Variants in CAPG observed in about 807,000 individuals in gnomAD.
CAPG encodes capping actin protein, gelsolin like, also known as macrophage-capping protein.
Under a neutral mutation model 44.6 loss-of-function variants are expected in CAPG, and 32 were observed. That is an observed-to-expected ratio of 0.72 (90% CI 0.54 to 0.96). The LOEUF (loss-of-function observed/expected upper bound fraction) is 0.96, where lower values mean the gene tolerates loss of function less well. Ranked by LOEUF, CAPG falls within the 50% of genes least tolerant of loss-of-function variation. The pLI, the probability that CAPG is intolerant of heterozygous loss-of-function variation, is 0.00. For synonymous variants in CAPG, 175 were observed against 179.6 expected, an observed-to-expected ratio of 0.97 and a Z score of 0.20; for missense variants, 412 against 438.3, an observed-to-expected ratio of 0.94 and a Z score of 0.54.
intron 8 of CAPG, 82 bp downstream of exon 8, chr2:85,397,938 A>G: frequency 2.9e-6 from 4 of 1,380,752 alleles, no homozygotes; most frequent in Non-Finnish European, 4.0e-6. Context: ...AAGCAGCTAG[A>G]CAGGCTGAGT....
At chr2:85,401,396 C>G (rs1686879279) in intron 4 of CAPG, 67 bp from the exon 5 acceptor site, 1 of 1,581,942 alleles carries the variant, frequency 6.3e-7, no homozygotes, top group East Asian at 2.3e-5. Context: ...CCCCATCCCA[C>G]TGGAAGACGG....
At chr2:85,396,434 A>C (rs913021359) in intron 8 of CAPG, among the ~76,000 whole-genome samples, 1 of 152,078 alleles carries the variant, frequency 6.6e-6, no homozygotes, top group East Asian at 1.9e-4. Flanking sequence ...AGGAAATGAT[A>C]CCGAAACGAT....
intron 8 of CAPG, among the ~76,000 whole-genome samples, chr2:85,397,731 A>AGAAAGAAAGAAAGAAAGAAAGAAAGAAAG (rs1686672145): frequency 1.3e-5 from 2 of 148,848 alleles, no homozygotes; most frequent in Non-Finnish European, 3.0e-5. Context: ...AAAGAAAGAA[A>AGAAAGAAAGAAAGAAAGAAAGAAAGAAAG]ATAGCAAGGC....
chr2:85,410,984 C>CT (rs985743361), upstream of CAPG, among the ~76,000 whole-genome samples: 30 of 151,980 alleles, frequency 2.0e-4, no homozygotes, highest in Admixed American at 8.5e-4. Context: ...CCTCAGCCTC[C>CT]TGAGCAGCTG....
At position 85,402,109 on chromosome 2, in the gene CAPG, G is replaced by A. The variant is rs1191723881; in HGVS notation, c.23+14C>T. The A allele has an allele frequency of 1.2e-6, 2 of 1,610,258 alleles. No homozygotes were observed. Among genetic ancestry groups the A allele is most frequent in the Non-Finnish European group, 8.5e-7 (1 of 1,177,938 alleles). ...AAGGGGAAGTTGTGAAAGGAGATGGGGCATGCAGCTTACCTCTGGGGAATG... is the reference window on the plus strand; with the variant it reads ...AAGGGGAAGTTGTGAAAGGAGATGGAGCATGCAGCTTACCTCTGGGGAATG... On this transcript the variant is annotated intron_variant, in intron 2 of 9. Coordinates refer to ENST00000263867, the MANE Select transcript of CAPG (RefSeq NM_001747.4).
In CAPG at chr2:85,401,764, C is replaced by T. The variant is rs757456618; in HGVS notation, c.196+21G>A. 8.7e-6 allele frequency: 14 copies of T among 1,612,812 alleles called. No homozygotes were observed. The South Asian group carries it at 1.3e-4, about 15-fold the overall frequency. On this transcript the variant is annotated intron_variant, in intron 3 of 9. Transcript: ENST00000263867. ...CCCTCCCCTTCCTGGGCCCAACCTT[C>T]CCCCATCCAGATCCCCTTACCTATC... is the stretch of plus-strand genomic sequence containing the variant.
At position 85,401,323 on chromosome 2, in the gene CAPG, C is replaced by A; in HGVS notation, c.358G>T (p.Gly120Cys). The change falls in exon 5 of 10, where the codon GGT (glycine) becomes TGT (cysteine). Residue 120 changes from glycine to cysteine, a missense_variant. By Grantham distance (159) the Gly-to-Cys change is radical (BLOSUM62 -3). Transcript: ENST00000263867. ...GTCTTGTGAAATGCTGACTCCACACCACCTTCCTGCAGCCCAGACGGCCCA... is the reference window on the plus strand; with the variant it reads ...GTCTTGTGAAATGCTGACTCCACACAACCTTCCTGCAGCCCAGACGGCCCA... ...FPRGLKYQEG[G>C]VESAFHKTST... The A allele has an allele frequency of 6.2e-7, 1 of 1,613,824 alleles. No individual in the cohort carries two copies. The highest frequency in any genetic ancestry group is 8.5e-7 in the Non-Finnish European group (1 of 1,179,796).
In CAPG at chr2:85,398,070, T is replaced by C; in HGVS notation, c.842A>G (p.Asp281Gly). The change falls in exon 8 of 10, where the codon GAC (aspartate) becomes GGC (glycine). Residue 281 changes from aspartate (D) to glycine (G), a missense_variant. Asp to Gly is a moderately conservative substitution (Grantham distance 94). Transcript: ENST00000263867. ...GAGCCCGTTGTCCAGCACAAAGCAG[T>C]CATCAGATATCAGCAGTTCAAGGGC... ...PFALELLISD[D>G]CFVLDNGLCG... 2.5e-6 allele frequency: 4 copies of C among 1,614,030 alleles called. No individual in the cohort carries two copies. The highest frequency in any genetic ancestry group is 3.3e-4 in the Middle Eastern group (2 of 6,056).
rs528862244 is a variant in CAPG at position 85,400,725 on chromosome 2, A to AC, written c.516+439dup. Among the ~76,000 whole-genome samples the AC allele has an allele frequency of 8.8e-3, 1,325 of 149,950 alleles. 15 individuals are homozygous for AC. The highest frequency in any genetic ancestry group is 0.041 in the Middle Eastern group (12 of 290). Reference sequence around the variant, plus strand: ...CTAGAGGGCCCCTCCCTGCCCCAAGACCCCCCCAGCACATGGCAGCTGTCC... The same window carrying AC: ...CTAGAGGGCCCCTCCCTGCCCCAAGACCCCCCCCAGCACATGGCAGCTGTCC... On this transcript the variant is annotated intron_variant, in intron 5 of 9. Transcript: ENST00000263867.
At chr2:85,418,650 A>ACGCGCG (rs377343304), upstream of CAPG, 1,412 of 143,904 alleles carry the variant, frequency 9.8e-3, 16 homozygotes, top group Admixed American at 0.015. Context: ...ACACACACAC[A>ACGCGCG]CGCGCGCGCG....
rs1273913975 is a variant in CAPG, at chr2:85,398,106, G to A, written c.806C>T (p.Ser269Phe). ...GQMNLTKVAD[S>F]SPFALELLIS... The stretch of plus-strand genomic sequence containing the variant: ...CAGCAGTTCAAGGGCAAATGGGCTG[G>A]AGTCAGCCACCTTGGTCAGGTTCAT... Residue 269 changes from serine (S) to phenylalanine (F), a missense_variant, in exon 8 of 10, where the codon TCC becomes TTC. Transcript: ENST00000263867. 2.5e-6 allele frequency: 4 copies of A among 1,614,034 alleles called. No homozygotes were observed. The highest frequency in any genetic ancestry group is 3.4e-6 in the Non-Finnish European group (4 of 1,179,958).
chr2:85,418,650 A>ACACG (rs1553428723), upstream of CAPG: 3 of 143,816 alleles, frequency 2.1e-5, no homozygotes, highest in Non-Finnish European at 3.0e-5. Flanking sequence ...ACACACACAC[A>ACACG]CGCGCGCGCG....
chr2:85,399,335 C>T lies in CAPG; in HGVS notation c.517-50G>A, dbSNP rs1388516089. 3 of 1,594,272 alleles carry T rather than the reference C, an allele frequency of 1.9e-6. No homozygotes were observed. The African/African-American group carries it at 4.0e-5, about 21-fold the overall frequency. On this transcript the variant is annotated intron_variant, in intron 5 of 9. Coordinates refer to ENST00000263867, the MANE Select transcript of CAPG (RefSeq NM_001747.4). Reference sequence around the variant, plus strand: ...GTCAGAGCCAGATGCCTGTGTCCTGCTCCCCAGCTCAGAGAAGGGCGCACA... The same window carrying T: ...GTCAGAGCCAGATGCCTGTGTCCTGTTCCCCAGCTCAGAGAAGGGCGCACA...
chr2:85,399,495 CCTTT>C (rs1686775997), intron 5 of CAPG, among the ~76,000 whole-genome samples: 2 of 152,298 alleles, frequency 1.3e-5, no homozygotes, highest in Non-Finnish European at 2.9e-5. Context: ...CATCTGTCTT[CCTTT>C]CTTTTTTTCG....
At position 85,401,576 on chromosome 2, in the gene CAPG, C is replaced by A. The variant is rs777180092; in HGVS notation, c.304G>T (p.Glu102Ter). The change falls in exon 4 of 10, where the codon GAG becomes TAG. Residue 102 changes from glutamate (E) to a stop codon, truncating the protein, a stop_gained. Coordinates refer to ENST00000263867, the MANE Select transcript of CAPG (RefSeq NM_001747.4). LOFTEE classifies it high-confidence loss of function. ...AAGTAGCTCATGAAGAGGTCAGACT[C>A]ATTGCCCTGCACCTCGCGGTGCTGC... ...PVQHREVQGN[E>*]SDLFMSYFPR... The A allele has an allele frequency of 6.2e-7, 1 of 1,614,216 alleles. No homozygotes were observed. The highest frequency in any genetic ancestry group is 8.5e-7 in the Non-Finnish European group (1 of 1,180,036).
At chr2:85,393,392 G>T (rs1378088583), downstream of CAPG, among the ~76,000 whole-genome samples, 1 of 152,044 alleles carries the variant, frequency 6.6e-6, no homozygotes, top group Non-Finnish European at 1.5e-5. Flanking sequence ...TTTCATAGGA[G>T]ACTTAAAATA....
At chr2:85,393,065 T>C (rs111384899), downstream of CAPG, among the ~76,000 whole-genome samples, 23,162 of 151,610 alleles carry the variant, frequency 0.15, 1,909 homozygotes, top group South Asian at 0.2. Context: ...AAATGGGATC[T>C]CACTCTGTCA....
Position 85,395,647 on chromosome 2 carries a change from T to A in CAPG, c.893-21A>T. 1 of 1,591,536 alleles carries A rather than the reference T, an allele frequency of 6.3e-7. No homozygotes were observed. The highest frequency in any genetic ancestry group is 8.6e-7 in the Non-Finnish European group (1 of 1,162,454). On this transcript the variant is annotated intron_variant, in intron 8 of 9. Coordinates refer to ENST00000263867, the MANE Select transcript of CAPG (RefSeq NM_001747.4). The surrounding 1 kb of genome is among the most constrained non-coding windows in gnomAD (Gnocchi z 4.3). ...TCGCCCTAGATCATAGGAAGGAGAT[T>A]TTTAAAAAGAGCAGGGACCCTCTTT...
chr2:85,419,490 C>T (rs913722781), upstream of CAPG, among the ~76,000 whole-genome samples: 1 of 152,194 alleles, frequency 6.6e-6, no homozygotes, highest in African/African-American at 2.4e-5. Flanking sequence ...TTCATCCACC[C>T]TTCTGGGCCA....
Sources: allele counts gnomAD v4.1 joint callset (sites outside exome capture counted in the v4.1 genomes callset), GRCh38; gene constraint gnomAD v4.1.1; non-coding constraint Gnocchi (gnomAD v3.1); transcripts MANE v1.5; gene names NCBI Gene and HGNC (gene_info 2026-07-23, HGNC 2026-07-21).